Variants in AGTPBP1 observed in about 807,000 individuals in gnomAD.
AGTPBP1 encodes ATP/GTP binding carboxypeptidase 1.
AGTPBP1 carries 70 observed loss-of-function variants against 143.9 expected under a neutral mutation model. The observed-to-expected ratio is 0.49, with a 90% CI of 0.40 to 0.59. The LOEUF is 0.59. Among genes scored for constraint, AGTPBP1 ranks in the 20% least tolerant of loss-of-function variants. The probability of loss-of-function intolerance (pLI) is 0.00; values close to 1 mark genes in which losing one functional copy is unlikely to be tolerated. For synonymous variants in AGTPBP1, 463 were observed against 500.2 expected, an observed-to-expected ratio of 0.93 and a Z score of 0.99; for missense variants, 1,229 against 1,464.5, an observed-to-expected ratio of 0.84 and a Z score of 2.62.
intron 11 of AGTPBP1, among the ~76,000 whole-genome samples, chr9:85,653,513 G>T (rs73477756): frequency 0.032 from 4,892 of 152,204 alleles, 269 homozygotes; most frequent in African/African-American, 0.11. Context: ...TAAAGAACTT[G>T]CTGGGGCCTA....
intron 14 of AGTPBP1, 51 bp downstream of exon 14, chr9:85,632,611 C>G (rs770383234): frequency 1.4e-6 from 2 of 1,451,490 alleles, no homozygotes; most frequent in Non-Finnish European, 1.9e-6. Flanking sequence ...AAGACTGCCT[C>G]ATATCTTGAC....
chr9:85,658,215 C>T (rs991993668), intron 9 of AGTPBP1, among the ~76,000 whole-genome samples: 1 of 151,860 alleles, frequency 6.6e-6, no homozygotes, highest in Non-Finnish European at 1.5e-5. Flanking sequence ...AAAATACTTC[C>T]GTAACTTTTT....
At chr9:85,626,518 C>CAGA (rs1202171959) in intron 14 of AGTPBP1, among the ~76,000 whole-genome samples, 2 of 152,176 alleles carry the variant, frequency 1.3e-5, no homozygotes, top group Non-Finnish European at 2.9e-5. Flanking sequence ...ACATAAGATG[C>CAGA]AGAAGACTAG....
intron 25 of AGTPBP1, among the ~76,000 whole-genome samples, chr9:85,551,499 GATC>G (rs1826037058): frequency 6.6e-6 from 1 of 152,148 alleles, no homozygotes; most frequent in Non-Finnish European, 1.5e-5. Flanking sequence ...GTGCCTTTAA[GATC>G]AAGAACTGTG....
the AGTPBP1 span, among the ~76,000 whole-genome samples, chr9:85,776,191 T>C: frequency 1.3e-5 from 2 of 152,234 alleles, no homozygotes; most frequent in Non-Finnish European, 2.9e-5. Flanking sequence ...ATAAATCTTA[T>C]GTCACATGAT....
the AGTPBP1 span, among the ~76,000 whole-genome samples, chr9:85,751,840 C>T: frequency 1.5e-4 from 22 of 151,562 alleles, no homozygotes; most frequent in Non-Finnish European, 2.7e-4. Flanking sequence ...CTCCTGACCT[C>T]AGGTGATCAG....
chr9:85,689,898 C>CAAAA (rs1156931410), intron 3 of AGTPBP1, among the ~76,000 whole-genome samples: 32 of 28,336 alleles, frequency 1.1e-3, no homozygotes, highest in Non-Finnish European at 1.4e-3. Flanking sequence ...GACTCTGCCT[C>CAAAA]AAAAAAAAAA....
At chr9:85,630,865 C>T (rs557525682) in intron 14 of AGTPBP1, among the ~76,000 whole-genome samples, 1 of 152,290 alleles carries the variant, frequency 6.6e-6, no homozygotes, top group South Asian at 2.1e-4. Context: ...TCCAAACTCT[C>T]ATTCCTGAGC....
At chr9:85,569,706 A>G (rs140097261) in intron 25 of AGTPBP1, among the ~76,000 whole-genome samples, 304 of 152,302 alleles carry the variant, frequency 2.0e-3, no homozygotes, top group African/African-American at 7.1e-3. Flanking sequence ...CCACCTCAAA[A>G]AACAACTCCA....
intron 25 of AGTPBP1, among the ~76,000 whole-genome samples, chr9:85,568,313 T>C (rs988795986): frequency 2.0e-5 from 3 of 152,214 alleles, no homozygotes; most frequent in Non-Finnish European, 2.9e-5. Context: ...CCCATTTTCA[T>C]AGTGTTTCAT....
chr9:85,748,519 G>A, the AGTPBP1 span, among the ~76,000 whole-genome samples: 4 of 152,168 alleles, frequency 2.6e-5, no homozygotes, highest in Non-Finnish European at 5.9e-5. Flanking sequence ...TCTTATAGAT[G>A]AATTAATGAT....
At chr9:85,723,543 A>G (rs953570346) in intron 1 of AGTPBP1, among the ~76,000 whole-genome samples, 5 of 152,184 alleles carry the variant, frequency 3.3e-5, no homozygotes, top group African/African-American at 1.2e-4. Context: ...TGCGAAGACT[A>G]TGGGAAAAGC....
intron 25 of AGTPBP1, among the ~76,000 whole-genome samples, chr9:85,560,477 T>G (rs1211521801): frequency 6.6e-6 from 1 of 152,028 alleles, no homozygotes; most frequent in African/African-American, 2.4e-5. Flanking sequence ...AGAAGTACAA[T>G]CCAGAAAATG....
chr9:85,798,672 T>C, the AGTPBP1 span, among the ~76,000 whole-genome samples: 1 of 152,146 alleles, frequency 6.6e-6, no homozygotes, highest in Non-Finnish European at 1.5e-5. Flanking sequence ...AGCTCTTTTT[T>C]TTCTTTTCTT....
chr9:85,731,459 T>G (rs1315858120), intron 1 of AGTPBP1, among the ~76,000 whole-genome samples: 1 of 151,890 alleles, frequency 6.6e-6, no homozygotes, highest in Non-Finnish European at 1.5e-5. Context: ...TTTTTGTGTG[T>G]GTTTGTTTGT....
In AGTPBP1 at chr9:85,626,805, A is replaced by G. The variant is rs1831326329; in HGVS notation, c.2016-5520T>C. 5.3e-5 allele frequency among the ~76,000 whole-genome samples: 8 copies of G among 152,328 alleles called. No individual in the cohort carries two copies. The South Asian group carries it at 1.2e-3, about 24-fold the overall frequency. On this transcript the variant is annotated intron_variant, in intron 14 of 25. Transcript: ENST00000357081. ...AAACAAGGCATGACTATGTTCCAAC[A>G]AAGTGTTATTTGTGGACACGAATAT... is the stretch of plus-strand genomic sequence containing the variant.
chr9:85,712,211 C>T (rs1367147336), intron 2 of AGTPBP1, among the ~76,000 whole-genome samples: 2 of 152,064 alleles, frequency 1.3e-5, no homozygotes, highest in Non-Finnish European at 2.9e-5. Flanking sequence ...TTGTAGTGAG[C>T]CGAGATCGTG....
intron 17 of AGTPBP1, among the ~76,000 whole-genome samples, chr9:85,607,866 G>T (rs1326607316): frequency 6.6e-6 from 1 of 151,994 alleles, no homozygotes; most frequent in Non-Finnish European, 1.5e-5. Context: ...GGCATCTATC[G>T]TAAGCTGCAT....
Position 85,646,404 on chromosome 9 carries a change from C to G in AGTPBP1, c.1102G>C (p.Asp368His), listed in dbSNP as rs1300833520. 6.2e-7 allele frequency: 1 copy of G among 1,612,710 alleles called. No homozygotes were observed. Among genetic ancestry groups the G allele is most frequent in the East Asian group, 2.2e-5 (1 of 44,762 alleles). Reference sequence around the variant, plus strand: ...ATATCATCGTTGTCATCACTTTCATCTACTACGTCATCCACTATGATACAA... The same window carrying G: ...ATATCATCGTTGTCATCACTTTCATGTACTACGTCATCCACTATGATACAA... ...SLPPEVDDVV[D>H]ESDDNDDIDV... Residue 368 changes from aspartate (D) to histidine (H), a missense_variant, in exon 12 of 26, where the codon GAT becomes CAT. Around this residue, in one of 2 missense-constraint regions of AGTPBP1, gnomAD observed 743 missense variants for 812.2 expected, o/e 0.91. Coordinates refer to ENST00000357081, the MANE Select transcript of AGTPBP1 (RefSeq NM_001330701.2).
Sources: gnomAD v4.1 joint callset for allele counts (sites outside exome capture counted in the v4.1 genomes callset) on GRCh38, gnomAD v4.1.1 for gene constraint, gnomAD v4.1.1 regional missense constraint, MANE v1.5 for transcripts, NCBI Gene and HGNC (gene_info 2026-07-23, HGNC 2026-07-21) for gene names.